UTRN: variants seen among roughly 807,000 people sequenced by gnomAD.
The protein encoded by UTRN is dystrophin-related protein 1.
In UTRN, 283 loss-of-function variants were observed where a neutral mutation model predicts 463.9. The ratio of observed to expected loss-of-function variants is 0.61; its 90% CI spans 0.55 to 0.67. UTRN has a LOEUF of 0.67. Ranked by LOEUF, UTRN falls within the 30% of genes least tolerant of loss-of-function variation. The pLI, the probability that UTRN is intolerant of heterozygous loss-of-function variation, is 0.00. For missense variants in UTRN, 3,922 were observed against 4,084.3 expected, an observed-to-expected ratio of 0.96 and a Z score of 1.08; for synonymous variants, 1,442 against 1,431.5, an observed-to-expected ratio of 1.01 and a Z score of -0.17.
chr6:144,827,265 T>C, intron 66 of UTRN, 83 bp from the exon 67 acceptor site: 1 of 1,527,074 alleles, frequency 6.5e-7, no homozygotes, highest in Non-Finnish European at 9.0e-7. Context: ...ATTGAGAATC[T>C]CCCCACACCC....
intron 57 of UTRN, among the ~76,000 whole-genome samples, chr6:144,756,578 G>T (rs1297374740): frequency 6.6e-6 from 1 of 152,060 alleles, no homozygotes; most frequent in African/African-American, 2.4e-5. Context: ...TTGGACTTCA[G>T]CCATGGTTAT....
intron 2 of UTRN, among the ~76,000 whole-genome samples, chr6:144,315,888 A>T (rs962285360): frequency 6.6e-6 from 1 of 152,152 alleles, no homozygotes; most frequent in Admixed American, 6.5e-5. Context: ...CCAGATGAGA[A>T]CGTCATGGCG....
intron 2 of UTRN, among the ~76,000 whole-genome samples, chr6:144,308,536 A>G (rs965634700): frequency 1.3e-5 from 2 of 151,946 alleles, no homozygotes. Context: ...CAAGCAATCC[A>G]TCCACCTCAG....
At chr6:144,315,328 C>A (rs1775211723) in intron 2 of UTRN, among the ~76,000 whole-genome samples, 1 of 152,062 alleles carries the variant, frequency 6.6e-6, no homozygotes, top group South Asian at 2.1e-4. Context: ...CTGGCAGGGG[C>A]AGTAGGTCAG....
chr6:144,676,336 A>G (rs1008312279), intron 51 of UTRN, among the ~76,000 whole-genome samples: 6 of 152,132 alleles, frequency 3.9e-5, no homozygotes, highest in Non-Finnish European at 7.4e-5. Flanking sequence ...TCACATCAAT[A>G]ATAAAATAAT....
At chr6:144,510,830 G>A (rs1795103525) in intron 34 of UTRN, 114 bp from the exon 35 acceptor site, 1 of 819,490 alleles carries the variant, frequency 1.2e-6, no homozygotes, top group Non-Finnish European at 1.7e-6. Flanking sequence ...AATTATATAG[G>A]GAGTCATGGA....
chr6:144,450,558 C>G (rs1266805346), intron 17 of UTRN, among the ~76,000 whole-genome samples: 1 of 152,180 alleles, frequency 6.6e-6, no homozygotes, highest in Non-Finnish European at 1.5e-5. Flanking sequence ...TTGTTATTGC[C>G]TGTTACTTTC....
intron 52 of UTRN, among the ~76,000 whole-genome samples, chr6:144,681,646 T>G (rs1311351632): frequency 6.6e-6 from 1 of 151,608 alleles, no homozygotes; most frequent in Non-Finnish European, 1.5e-5. Context: ...GAAAAAGAAC[T>G]GAGTCTACTC....
chr6:144,776,504 A>G (rs17074162), intron 60 of UTRN, among the ~76,000 whole-genome samples: 5,153 of 152,282 alleles, frequency 0.034, 127 homozygotes, highest in South Asian at 0.05. Context: ...GAGATAAAAC[A>G]CTATAAAGAG....
intron 73 of UTRN, among the ~76,000 whole-genome samples, chr6:144,844,893 T>A (rs766657863): frequency 6.6e-6 from 1 of 152,242 alleles, no homozygotes; most frequent in Non-Finnish European, 1.5e-5. Flanking sequence ...TCTTGACTTT[T>A]GATCCTTTGT....
At chr6:144,650,913 AAT>A (rs1585785400) in intron 51 of UTRN, among the ~76,000 whole-genome samples, 3 of 151,782 alleles carry the variant, frequency 2.0e-5, no homozygotes, top group Admixed American at 6.6e-5. Flanking sequence ...TGTCTCAAAT[AAT>A]AATAATAATA....
At chr6:144,567,945 C>G (rs1203101769) in intron 50 of UTRN, among the ~76,000 whole-genome samples, 1 of 151,912 alleles carries the variant, frequency 6.6e-6, no homozygotes, top group African/African-American at 2.4e-5. Context: ...CTTAAAATAT[C>G]AAGTATTATT....
chr6:144,758,316 A>T, intron 58 of UTRN: 1 of 175,078 alleles, frequency 5.7e-6, no homozygotes, highest in Non-Finnish European at 1.2e-5. Context: ...GTAAAAAAAA[A>T]AAAAATTGGA....
intron 22 of UTRN, among the ~76,000 whole-genome samples, chr6:144,462,222 A>C (rs9496978): frequency 0.25 from 38,069 of 152,022 alleles, 10,327 homozygotes; most frequent in African/African-American, 0.68. Context: ...CCATCCATAT[A>C]CCTGCAAAGG....
chr6:144,327,612 G>A (rs958846966), intron 2 of UTRN, among the ~76,000 whole-genome samples: 1 of 152,088 alleles, frequency 6.6e-6, no homozygotes, highest in Non-Finnish European at 1.5e-5. Flanking sequence ...AACTCTTTCC[G>A]GTGGTTATGT....
At chr6:144,402,478 T>G (rs1410635010) in intron 2 of UTRN, among the ~76,000 whole-genome samples, 1 of 152,176 alleles carries the variant, frequency 6.6e-6, no homozygotes, top group Non-Finnish European at 1.5e-5. Context: ...TAACTTTTCT[T>G]TTTTTTATGG....
intron 66 of UTRN, among the ~76,000 whole-genome samples, chr6:144,824,596 AT>A (rs1779952903): frequency 3.7e-5 from 2 of 53,736 alleles, no homozygotes; most frequent in African/African-American, 1.0e-4. Context: ...ATATATATAT[AT>A]ATATATATAT....
chr6:144,548,042 C>CT (rs1223596422), intron 46 of UTRN, among the ~76,000 whole-genome samples: 5 of 151,896 alleles, frequency 3.3e-5, no homozygotes, highest in Admixed American at 1.3e-4. Flanking sequence ...TAAATACATA[C>CT]TTTTTTTTGT....
At chr6:144,375,190 T>C (rs763459244) in intron 2 of UTRN, among the ~76,000 whole-genome samples, 6 of 152,218 alleles carry the variant, frequency 3.9e-5, no homozygotes, top group Non-Finnish European at 7.3e-5. Context: ...TATTCTTTAG[T>C]TGGTTATCTA....
Sources: allele counts gnomAD v4.1 joint callset (sites outside exome capture counted in the v4.1 genomes callset), GRCh38; gene constraint gnomAD v4.1.1; transcripts MANE v1.5; gene names NCBI Gene and HGNC (gene_info 2026-07-23, HGNC 2026-07-21).